Variants in FGGY observed in about 807,000 individuals in gnomAD.
The protein encoded by FGGY is FGGY carbohydrate kinase domain containing, also known as FGGY carbohydrate kinase domain-containing protein.
Under a neutral mutation model 71.3 loss-of-function variants are expected in FGGY, and 72 were observed. The ratio of observed to expected loss-of-function variants is 1.01; its 90% confidence interval spans 0.84 to 1.23. The LOEUF (loss-of-function observed/expected upper bound fraction) is 1.23, where lower values mean the gene tolerates loss of function less well. Ranked by LOEUF, FGGY falls within the 50% of genes most tolerant of loss-of-function variation. FGGY has a pLI of 0.00. For missense variants in FGGY, 668 were observed against 682.3 expected (o/e 0.98, Z 0.23); for synonymous variants, 251 against 250.3 (o/e 1.00, Z -0.02).
chr1:59,665,023 G>T (rs1053658274), intron 12 of FGGY, among the ~76,000 whole-genome samples: 3 of 152,052 alleles, frequency 2.0e-5, no homozygotes, highest in African/African-American at 7.2e-5. Flanking sequence ...TGGGTTTTTT[G>T]AATTCAAAAC....
In FGGY at chr1:59,661,823, G is replaced by A. The variant is rs372227159; in HGVS notation, c.1296+1530G>A. 1.2e-3 allele frequency among the ~76,000 whole-genome samples: 182 copies of A among 151,584 alleles called. 1 individual carries two copies. The highest frequency in any genetic ancestry group is 4.2e-3 in the African/African-American group (176 of 41,436). On this transcript the variant is annotated intron_variant, in intron 12 of 15. Coordinates refer to ENST00000303721, the MANE Select transcript of FGGY (RefSeq NM_018291.5). Reference sequence around the variant, plus strand: ...CAAGCTCCACCTCCTGGGTTCAAGCGATTCTTCTGCCTCAGCCTCCCGAGT... The same window carrying A: ...CAAGCTCCACCTCCTGGGTTCAAGCAATTCTTCTGCCTCAGCCTCCCGAGT...
chr1:59,447,876 ACCTTAG>A (rs2071676657), intron 5 of FGGY, among the ~76,000 whole-genome samples: 1 of 152,076 alleles, frequency 6.6e-6, no homozygotes, highest in Middle Eastern at 3.2e-3. Context: ...AATACATTGG[ACCTTAG>A]TACTTTTCTT....
At chr1:59,526,717 G>C (rs1221001572) in intron 7 of FGGY, among the ~76,000 whole-genome samples, 1 of 152,162 alleles carries the variant, frequency 6.6e-6, no homozygotes, top group Admixed American at 6.5e-5. Flanking sequence ...GGAACATTTT[G>C]GTGTGGCCAC....
intron 6 of FGGY, among the ~76,000 whole-genome samples, chr1:59,510,264 T>C (rs1248624386): frequency 1.3e-5 from 2 of 152,174 alleles, no homozygotes; most frequent in African/African-American, 4.8e-5. Flanking sequence ...AATTTTCCCA[T>C]CTGTCTGTAA....
At chr1:59,758,846 A>G (rs1053889165) in intron 15 of FGGY, among the ~76,000 whole-genome samples, 8 of 152,192 alleles carry the variant, frequency 5.3e-5, no homozygotes, top group Admixed American at 1.3e-4. Context: ...CAGCTCATAA[A>G]TACCTTGGAG....
chr1:59,704,441 G>A (rs377573666), intron 14 of FGGY, among the ~76,000 whole-genome samples: 185 of 152,074 alleles, frequency 1.2e-3, no homozygotes, highest in African/African-American at 3.9e-3. Flanking sequence ...ACTATTATGC[G>A]TTTTGTATGT....
At chr1:59,674,959 T>TC (rs1440269236) in intron 14 of FGGY, among the ~76,000 whole-genome samples, 1 of 152,218 alleles carries the variant, frequency 6.6e-6, no homozygotes, top group African/African-American at 2.4e-5. Flanking sequence ...TCTCTGTACT[T>TC]CCACTCCTTT....
intron 15 of FGGY, among the ~76,000 whole-genome samples, chr1:59,761,791 C>T (rs141190930): frequency 1.1e-3 from 167 of 152,270 alleles, no homozygotes; most frequent in African/African-American, 3.9e-3. Context: ...CTGGATAAAG[C>T]AGGTCACAAG....
chr1:59,654,951 A>G (rs1323160457), intron 11 of FGGY, among the ~76,000 whole-genome samples: 1 of 152,150 alleles, frequency 6.6e-6, no homozygotes, highest in African/African-American at 2.4e-5. Context: ...GGCTTCCTCA[A>G]GGAGTTCTTG....
intron 5 of FGGY, among the ~76,000 whole-genome samples, chr1:59,433,342 C>T (rs1004194284): frequency 6.6e-6 from 1 of 152,148 alleles, no homozygotes; most frequent in African/African-American, 2.4e-5. Context: ...AAATGAAGGC[C>T]AAGGAGCCTT....
chr1:59,357,258 C>T (rs9326047), intron 4 of FGGY, among the ~76,000 whole-genome samples: 3,467 of 150,304 alleles, frequency 0.023, 142 homozygotes, highest in African/African-American at 0.08. Flanking sequence ...TATAGTCCAG[C>T]AAAGTAATTT....
chr1:59,527,528 T>C (rs766815197), intron 7 of FGGY, among the ~76,000 whole-genome samples: 11 of 152,302 alleles, frequency 7.2e-5, no homozygotes, highest in African/African-American at 1.2e-4. Flanking sequence ...CTTCACCCCA[T>C]TGTCTCTTCT....
chr1:59,337,128 A>G (rs2049758855), intron 2 of FGGY, among the ~76,000 whole-genome samples: 1 of 149,464 alleles, frequency 6.7e-6, no homozygotes, highest in South Asian at 2.1e-4. Flanking sequence ...GTTCCACAAT[A>G]GGTCATCCGT....
At chr1:59,381,796 G>A (rs1055293083) in intron 5 of FGGY, among the ~76,000 whole-genome samples, 1 of 152,080 alleles carries the variant, frequency 6.6e-6, no homozygotes, top group African/African-American at 2.4e-5. Flanking sequence ...TACTGTAGAA[G>A]TATATATGTT....
At chr1:59,677,389 A>G (rs1282380703) in intron 14 of FGGY, among the ~76,000 whole-genome samples, 1 of 152,196 alleles carries the variant, frequency 6.6e-6, no homozygotes, top group African/African-American at 2.4e-5. Flanking sequence ...CTCATGGACC[A>G]CACATCTGGT....
chr1:59,476,370 G>A (rs570261397), intron 6 of FGGY, among the ~76,000 whole-genome samples: 1 of 152,342 alleles, frequency 6.6e-6, no homozygotes, highest in East Asian at 1.9e-4. Flanking sequence ...TACTGATGAG[G>A]AAATTAAGGA....
chr1:59,426,119 T>C (rs570695480), intron 5 of FGGY, among the ~76,000 whole-genome samples: 4 of 152,262 alleles, frequency 2.6e-5, no homozygotes, highest in African/African-American at 9.6e-5. Flanking sequence ...GTGGAGGGCA[T>C]TTAACATGTC....
At chr1:59,635,937 C>A (rs1222990493) in intron 10 of FGGY, among the ~76,000 whole-genome samples, 2 of 152,324 alleles carry the variant, frequency 1.3e-5, no homozygotes, top group East Asian at 3.9e-4. Context: ...TCAGACCTGT[C>A]TCTTCACCTC....
intron 2 of FGGY, among the ~76,000 whole-genome samples, chr1:59,323,631 T>C (rs2046801023): frequency 6.6e-6 from 1 of 152,226 alleles, no homozygotes; most frequent in South Asian, 2.1e-4. Flanking sequence ...ACTGCCTAGA[T>C]TGACATCCCA....
Sources: gnomAD v4.1 joint callset for allele counts (sites outside exome capture counted in the v4.1 genomes callset) on GRCh38, gnomAD v4.1.1 for gene constraint, MANE v1.5 for transcripts, NCBI Gene and HGNC (gene_info 2026-07-23, HGNC 2026-07-21) for gene names.